VPS13D: variants seen among roughly 807,000 people sequenced by gnomAD.
VPS13D encodes intermembrane lipid transfer protein VPS13D.
VPS13D carries 187 observed loss-of-function variants against 461.9 expected under a neutral mutation model. The ratio of observed to expected loss-of-function variants is 0.40; its 90% CI spans 0.36 to 0.46. VPS13D has a LOEUF of 0.46. Ranked by LOEUF, VPS13D falls within the 20% of genes least tolerant of loss-of-function variation. The pLI is 0.60. For missense variants in VPS13D, 4,711 were observed against 5,364.9 expected (o/e 0.88, Z 3.81); for synonymous variants, 1,951 against 1,986.3 (o/e 0.98, Z 0.47).
At chr1:12,361,028 T>C (rs1249009838) in intron 50 of VPS13D, among the ~76,000 whole-genome samples, 2 of 152,200 alleles carry the variant, frequency 1.3e-5, no homozygotes, top group Non-Finnish European at 2.9e-5. Context: ...TGCCTGGACT[T>C]GAATCCCAGT....
chr1:12,322,665 G>T lies in VPS13D; in HGVS notation c.7834G>T (p.Val2612Phe), dbSNP rs139303925. ...PDSVALESDS[V>F]GTYLPGASRV... ...CTCAGTGGCCCTGGAGTCAGACTCC[G>T]TTGGCACTTACCTTCCAGGTGCATC... The change falls in exon 34 of 70, where the codon GTT becomes TTT. Residue 2612 changes from valine (V) to phenylalanine (F), a missense_variant. Val to Phe is a conservative substitution (Grantham distance 50). Coordinates refer to ENST00000620676, the MANE Select transcript of VPS13D (RefSeq NM_015378.4). 1 of 1,614,210 alleles carries T rather than the reference G, an allele frequency of 6.2e-7. No individual in the cohort carries two copies. The highest frequency in any genetic ancestry group is 1.7e-5 in the Admixed American group (1 of 60,030).
At chr1:12,244,645 A>G in intron 5 of VPS13D, 28 bp downstream of exon 5, 1 of 1,592,284 alleles carries the variant, frequency 6.3e-7, no homozygotes, top group South Asian at 1.1e-5. Flanking sequence ...TTATAAAAGT[A>G]TCAACGTGAA....
intron 60 of VPS13D, among the ~76,000 whole-genome samples, chr1:12,393,134 T>G: frequency 6.6e-6 from 1 of 152,238 alleles, no homozygotes; most frequent in Non-Finnish European, 1.5e-5. Flanking sequence ...TGAATTTTAG[T>G]CGGATTTATT....
intron 25 of VPS13D, among the ~76,000 whole-genome samples, chr1:12,303,890 A>G (rs1239065259): frequency 6.6e-6 from 1 of 152,250 alleles, no homozygotes; most frequent in Non-Finnish European, 1.5e-5. Context: ...CTAAGTGTGT[A>G]AGAAAAGAGT....
At chr1:12,480,249 C>T (rs141043551) in intron 67 of VPS13D, among the ~76,000 whole-genome samples, 142 of 152,346 alleles carry the variant, frequency 9.3e-4, no homozygotes, top group African/African-American at 3.3e-3. Context: ...AGACCATCTT[C>T]ACCAGGCGGT....
intron 24 of VPS13D, among the ~76,000 whole-genome samples, chr1:12,298,677 G>A (rs1224933343): frequency 6.6e-6 from 1 of 151,304 alleles, no homozygotes; most frequent in Non-Finnish European, 1.5e-5. Context: ...TGGTTTTTGG[G>A]TGCAGTCATA....
rs143793682 is a variant in VPS13D at position 12,344,957 on chromosome 1, C to T, written c.8886-417C>T. ...CCAAACAACTGCATGTGGTTCTGAG[C>T]GAATTAGGATTTCAACAAAGGAACC... On this transcript the variant is annotated intron_variant, in intron 42 of 69. Coordinates refer to ENST00000620676, the MANE Select transcript of VPS13D (RefSeq NM_015378.4). 14 of 158,422 alleles carry T rather than the reference C, an allele frequency of 8.8e-5. No homozygotes were observed. The East Asian group carries it at 1.8e-3, about 20-fold the overall frequency. The allele number at this position is 158,422 out of a possible 1,614,324, so 9.8% of individuals were successfully genotyped here.
chr1:12,257,182 G>C, intron 9 of VPS13D, 95 bp downstream of exon 9: 1 of 1,102,370 alleles, frequency 9.1e-7, no homozygotes, highest in South Asian at 1.3e-5. Flanking sequence ...CTTTACCCAT[G>C]TTTGGAGATA....
chr1:12,385,435 T>C, intron 59 of VPS13D, 62 bp downstream of exon 59: 1 of 1,400,162 alleles, frequency 7.1e-7, no homozygotes, highest in Non-Finnish European at 9.8e-7. Flanking sequence ...TTTTACTTGG[T>C]GGTATTTTAG....
chr1:12,466,437 A>T (rs1645483680), intron 67 of VPS13D, among the ~76,000 whole-genome samples: 1 of 152,242 alleles, frequency 6.6e-6, no homozygotes, highest in Non-Finnish European at 1.5e-5. Flanking sequence ...AGAGTGGATC[A>T]AGTCCAATAT....
At chr1:12,264,452 A>T (rs1158532009) in intron 13 of VPS13D, among the ~76,000 whole-genome samples, 1 of 152,272 alleles carries the variant, frequency 6.6e-6, no homozygotes, top group Non-Finnish European at 1.5e-5. Context: ...GAAGGAAATT[A>T]TTAGTAAAAG....
chr1:12,417,395 T>C (rs1324899529), intron 65 of VPS13D, among the ~76,000 whole-genome samples: 1 of 152,224 alleles, frequency 6.6e-6, no homozygotes, highest in Admixed American at 6.5e-5. Context: ...CTGGCAGGAA[T>C]TGATTATATG....
chr1:12,266,316 C>T (rs1569738269), intron 13 of VPS13D, among the ~76,000 whole-genome samples: 1 of 152,214 alleles, frequency 6.6e-6, no homozygotes, highest in Admixed American at 6.5e-5. Context: ...AACAGCATCA[C>T]CTGCTACAGA....
chr1:12,395,998 T>TATATATAG (rs1553187946), intron 60 of VPS13D, among the ~76,000 whole-genome samples: 1 of 114,812 alleles, frequency 8.7e-6, no homozygotes, highest in Non-Finnish European at 1.8e-5. Flanking sequence ...TAATAGGAGA[T>TATATATAG]ATATATATAT....
intron 65 of VPS13D, among the ~76,000 whole-genome samples, chr1:12,432,429 T>G (rs1288806395): frequency 6.6e-6 from 1 of 151,732 alleles, no homozygotes; most frequent in Non-Finnish European, 1.5e-5. Flanking sequence ...GAAAACATCT[T>G]TAGTACTGGT....
chr1:12,355,087 G>A (rs549963373), intron 47 of VPS13D, among the ~76,000 whole-genome samples: 1 of 152,328 alleles, frequency 6.6e-6, no homozygotes, highest in African/African-American at 2.4e-5. Flanking sequence ...TTGGTTACAG[G>A]TTGGTGTTTG....
At chr1:12,363,787 T>C (rs1643987406) in intron 52 of VPS13D, among the ~76,000 whole-genome samples, 1 of 151,846 alleles carries the variant, frequency 6.6e-6, no homozygotes, top group African/African-American at 2.4e-5. Flanking sequence ...ACCCCGTCTC[T>C]ACTAAAAATA....
Position 12,249,277 on chromosome 1 carries a change from C to A in VPS13D, c.502C>A (p.His168Asn). The change falls in exon 6 of 70, where the codon CAT (histidine) becomes AAT (asparagine). Residue 168 changes from histidine to asparagine, a missense_variant. Physicochemically the swap from His to Asn is moderately conservative, Grantham distance 68. Transcript: ENST00000620676. ...TGAAGATGGTGTCACCAATCCCTCCCATCCTTTTGCTTTTGGCATCTGCAT... is the reference window on the plus strand; with the variant it reads ...TGAAGATGGTGTCACCAATCCCTCCAATCCTTTTGCTTTTGGCATCTGCAT... Reference protein sequence around the residue: ...RFEDGVTNPSHPFAFGICIKN... With the variant: ...RFEDGVTNPSNPFAFGICIKN... 1 of 1,613,950 alleles carries A rather than the reference C, an allele frequency of 6.2e-7. No homozygotes were observed. The highest frequency in any genetic ancestry group is 8.5e-7 in the Non-Finnish European group (1 of 1,179,978).
At chr1:12,480,933 G>A (rs1268860375) in intron 67 of VPS13D, among the ~76,000 whole-genome samples, 1 of 152,184 alleles carries the variant, frequency 6.6e-6, no homozygotes, top group Non-Finnish European at 1.5e-5. Context: ...CCTTCTGTGT[G>A]ACTCACTCTC....
Sources: allele counts gnomAD v4.1 joint callset (sites outside exome capture counted in the v4.1 genomes callset), GRCh38; gene constraint gnomAD v4.1.1; transcripts MANE v1.5; gene names NCBI Gene and HGNC (gene_info 2026-07-23, HGNC 2026-07-21).